POM121C: variants seen among roughly 807,000 people sequenced by gnomAD.
The protein encoded by POM121C is POM121 transmembrane nucleoporin C, also known as nuclear envelope pore membrane protein POM 121C.
A neutral mutation model predicts 66.4 loss-of-function variants in POM121C; 20 were observed. The ratio of observed to expected loss-of-function variants is 0.30; its 90% CI spans 0.21 to 0.44. POM121C has a LOEUF of 0.44. POM121C is among the 20% of genes least tolerant of loss of function. POM121C has a pLI of 1.00. For synonymous variants in POM121C, 286 were observed against 528.0 expected (o/e 0.54, Z 6.28); for missense variants, 580 against 1,225.7 (o/e 0.47, Z 7.87).
intron 7 of POM121C, among the ~76,000 whole-genome samples, chr7:75,428,743 G>A (rs587703287): frequency 1.4e-4 from 22 of 152,294 alleles, no homozygotes; most frequent in African/African-American, 5.1e-4. Context: ...ACTTCAGGAG[G>A]CTGAGGCAGG....
chr7:75,428,651 T>G (rs1790053110), intron 7 of POM121C, among the ~76,000 whole-genome samples: 1 of 152,172 alleles, frequency 6.6e-6, no homozygotes, highest in African/African-American at 2.4e-5. Context: ...CTCCAGACAC[T>G]GAGGGATACA....
intron 3 of POM121C, among the ~76,000 whole-genome samples, chr7:75,471,648 CGAA>C (rs1440754394): frequency 6.6e-6 from 1 of 151,974 alleles, no homozygotes; most frequent in Non-Finnish European, 1.5e-5. Flanking sequence ...TGACTTTCAT[CGAA>C]GGAGTGGGAT....
At chr7:75,468,570 T>C (rs1791758871) in intron 3 of POM121C, among the ~76,000 whole-genome samples, 1 of 152,130 alleles carries the variant, frequency 6.6e-6, no homozygotes, top group Admixed American at 6.6e-5. Context: ...CCACCCACCT[T>C]GGCCTCCCAA....
chr7:75,476,640 T>A (rs587615247), intron 1 of POM121C, among the ~76,000 whole-genome samples: 8 of 151,852 alleles, frequency 5.3e-5, no homozygotes, highest in African/African-American at 1.7e-4. Flanking sequence ...AATAACTTTC[T>A]GGGTTAACTT....
chr7:75,434,944 C>A (rs587734303), intron 7 of POM121C, among the ~76,000 whole-genome samples: 2 of 152,032 alleles, frequency 1.3e-5, no homozygotes, highest in Non-Finnish European at 2.9e-5. Context: ...GCTGGTGAGG[C>A]CAGGGAGAAA....
intron 3 of POM121C, among the ~76,000 whole-genome samples, chr7:75,448,694 G>A (rs1179260322): frequency 9.8e-5 from 14 of 142,470 alleles, no homozygotes; most frequent in African/African-American, 3.2e-4. Flanking sequence ...CCAGCTACTC[G>A]GGAGGGTGAG....
Position 75,425,649 on chromosome 7 carries a change from G to A in POM121C, c.632C>T (p.Ser211Phe), listed in dbSNP as rs1554471625. The A allele has an allele frequency of 3.1e-6, 5 of 1,608,426 alleles. No homozygotes were observed. The highest frequency in any genetic ancestry group is 4.2e-6 in the Non-Finnish European group (5 of 1,177,792). Residue 211 changes from serine (S) to phenylalanine (F), a missense_variant, in exon 9 of 15, where the codon TCC becomes TTC. Transcript: ENST00000615331. ...CAGCAACCTACCCTTTTCTCCCTGG[G>A]ACTCCTTGTCTGCTGCCAATGGAGT... is the stretch of plus-strand genomic sequence containing the variant. ...SSTPLAADKE[S>F]QGEKAADTTP... is the part of the protein sequence containing the mutation.
At position 75,448,699 on chromosome 7, in the gene POM121C, G is replaced by A. The variant is rs1424842073; in HGVS notation, c.-151-7052C>T. On this transcript the variant is annotated intron_variant, in intron 3 of 14. Coordinates refer to ENST00000615331, the MANE Select transcript of POM121C (RefSeq NM_001099415.3). ...GCCTGTAATCCCAGCTACTCGGGAG[G>A]GTGAGGCAGGAGAATCGCTTGAACG... Among the ~76,000 whole-genome samples the A allele has an allele frequency of 6.9e-3, 982 of 143,176 alleles. 12 individuals are homozygous for A. Among genetic ancestry groups the A allele is most frequent in the African/African-American group, 0.024 (920 of 38,124 alleles). 93.9% of individuals were successfully genotyped at this position (143,176 alleles called of 152,430 possible).
intron 3 of POM121C, among the ~76,000 whole-genome samples, chr7:75,466,125 T>TAA (rs1198454553): frequency 1.4e-5 from 2 of 139,418 alleles, no homozygotes; most frequent in African/African-American, 2.6e-5. Flanking sequence ...TGCCATCTCT[T>TAA]AAAAAAAAAA....
chr7:75,444,475 G>A (rs1554474514), intron 3 of POM121C, among the ~76,000 whole-genome samples: 1 of 143,936 alleles, frequency 6.9e-6, no homozygotes, highest in African/African-American at 2.5e-5. Flanking sequence ...ACTATTGTGT[G>A]TGGCTGGAGT....
intron 5 of POM121C, among the ~76,000 whole-genome samples, 198 bp from the exon 6 acceptor site, chr7:75,439,422 C>T (rs1554473567): frequency 6.6e-6 from 1 of 152,160 alleles, no homozygotes; most frequent in East Asian, 1.9e-4. Flanking sequence ...ACTCTTGTTG[C>T]CCAGGCTGGA....
chr7:75,418,460 G>T lies in POM121C; in HGVS notation c.*336C>A, dbSNP rs1484873334. 2.8e-6 allele frequency: 3 copies of T among 1,062,520 alleles called. No homozygotes were observed. The highest frequency in any genetic ancestry group is 3.4e-6 in the Non-Finnish European group (3 of 880,090). The allele number at this position is 1,062,520 out of a possible 1,614,324, so 65.8% of individuals were successfully genotyped here. On this transcript the variant is annotated 3_prime_UTR_variant, in exon 15 of 15. Coordinates refer to ENST00000615331, the MANE Select transcript of POM121C (RefSeq NM_001099415.3). ...CCCTCCAGCGACGACGGCTCTCGGG[G>T]AAAGGTGGAAGGGGCGCCTGCCTAA...
intron 14 of POM121C, 98 bp downstream of exon 14, chr7:75,419,222 C>G (rs1303543445): frequency 4.7e-5 from 70 of 1,478,054 alleles, no homozygotes; most frequent in Non-Finnish European, 5.8e-5. Flanking sequence ...CTGTGCTGAA[C>G]CTGATCTTCA....
chr7:75,423,854 C>T (rs1258992984), intron 12 of POM121C, among the ~76,000 whole-genome samples, 195 bp downstream of exon 12: 2 of 152,178 alleles, frequency 1.3e-5, no homozygotes, highest in Admixed American at 1.3e-4. Flanking sequence ...TCCTGAGCGT[C>T]GCAGCACCCC....
chr7:75,486,054 C>T lies in POM121C; in HGVS notation c.-648G>A. 2.3e-6 allele frequency: 1 copy of T among 436,442 alleles called. No homozygotes were observed. Among genetic ancestry groups the T allele is most frequent in the Non-Finnish European group, 4.5e-6 (1 of 220,834 alleles). The allele number at this position is 436,442 out of a possible 1,614,324, so 27.0% of individuals were successfully genotyped here. A position where few individuals can be genotyped will look rare whatever the true frequency, so the allele number is the denominator to read the frequency against. On this transcript the variant is annotated 5_prime_UTR_variant, in exon 1 of 15. Coordinates refer to ENST00000615331, the MANE Select transcript of POM121C (RefSeq NM_001099415.3). ...TGTCCTTCTCGGGGCCCAGATCCGC[C>T]TCCCTGGGGCTCCCGGCCCCTCTGG...
intron 3 of POM121C, among the ~76,000 whole-genome samples, chr7:75,467,313 C>T (rs1242073441): frequency 8.6e-5 from 13 of 151,866 alleles, no homozygotes; most frequent in African/African-American, 1.5e-4. Flanking sequence ...GGGTGGATCA[C>T]GAGGTCAGGA....
At chr7:75,450,963 A>G (rs1207440806) in intron 3 of POM121C, among the ~76,000 whole-genome samples, 3 of 152,136 alleles carry the variant, frequency 2.0e-5, no homozygotes, top group African/African-American at 7.2e-5. Context: ...ACTTTTTAAA[A>G]ACTCTATAAA....
rs1789571466 is a variant in POM121C at position 75,418,718 on chromosome 7, G to A, written c.*78C>T. The A allele has an allele frequency of 6.7e-7, 1 of 1,482,456 alleles. No individual in the cohort carries two copies. The highest frequency in any genetic ancestry group is 1.4e-5 in the African/African-American group (1 of 70,080). The allele number at this position is 1,482,456 out of a possible 1,614,324, so 91.8% of individuals were successfully genotyped here. ...TAGGTTTGCTTTACGCAGCTGGAAGGGTCCAAGGCTCTTTCTAGCACGTGC... is the reference window on the plus strand; with the variant it reads ...TAGGTTTGCTTTACGCAGCTGGAAGAGTCCAAGGCTCTTTCTAGCACGTGC... On this transcript the variant is annotated 3_prime_UTR_variant, in exon 15 of 15. Coordinates refer to ENST00000615331, the MANE Select transcript of POM121C (RefSeq NM_001099415.3).
chr7:75,477,505 T>A (rs587594667), intron 1 of POM121C, among the ~76,000 whole-genome samples: 1 of 152,090 alleles, frequency 6.6e-6, no homozygotes, highest in Non-Finnish European at 1.5e-5. Context: ...TAAATTACTT[T>A]ATAAATATGC....
Sources: gnomAD v4.1 joint callset for allele counts (sites outside exome capture counted in the v4.1 genomes callset) on GRCh38, gnomAD v4.1.1 for gene constraint, MANE v1.5 for transcripts, NCBI Gene and HGNC (gene_info 2026-07-23, HGNC 2026-07-21) for gene names.